Variants in ZNF722 observed in about 807,000 individuals in gnomAD.
ZNF722 encodes zinc finger protein 722.
the ZNF722 span, among the ~76,000 whole-genome samples, chr7:64,010,574 G>T: frequency 3.3e-5 from 5 of 152,160 alleles, no homozygotes; most frequent in African/African-American, 1.2e-4. Context: ...TCTTAATCCT[G>T]AGTTCTAATT....
chr7:64,009,251 G>A, the ZNF722 span, among the ~76,000 whole-genome samples: 1 of 152,104 alleles, frequency 6.6e-6, no homozygotes, highest in African/African-American at 2.4e-5. Flanking sequence ...TTTCTTGCCT[G>A]ATTGCCCTGG....
chr7:64,017,109 G>A, the ZNF722 span, among the ~76,000 whole-genome samples: 3 of 152,154 alleles, frequency 2.0e-5, no homozygotes, highest in Non-Finnish European at 2.9e-5. Context: ...TTATAGGTTG[G>A]GCGTGTTGGC....
the ZNF722 span, among the ~76,000 whole-genome samples, chr7:64,000,429 GCCCGGC>G: frequency 1.1e-5 from 1 of 94,918 alleles, no homozygotes; most frequent in Non-Finnish European, 2.0e-5. Flanking sequence ...GAGCCACCAT[GCCCGGC>G]CTTTTTTTTT....
the ZNF722 span, among the ~76,000 whole-genome samples, chr7:64,008,519 G>C: frequency 2.0e-5 from 3 of 152,144 alleles, no homozygotes; most frequent in African/African-American, 7.2e-5. Flanking sequence ...CCCATTTCTT[G>C]TTTTTGTCAG....
At chr7:64,018,018 TAATAA>T in the ZNF722 span, among the ~76,000 whole-genome samples, 3 of 152,236 alleles carry the variant, frequency 2.0e-5, no homozygotes, top group African/African-American at 7.2e-5. Flanking sequence ...TACCTTTATG[TAATAA>T]AATGCAATAA....
chr7:64,003,836 A>G, the ZNF722 span, among the ~76,000 whole-genome samples: 1 of 152,170 alleles, frequency 6.6e-6, no homozygotes, highest in African/African-American at 2.4e-5. Context: ...TCTATTGGGG[A>G]AACACAGTTG....
chr7:64,003,379 C>T, the ZNF722 span, among the ~76,000 whole-genome samples: 14 of 151,980 alleles, frequency 9.2e-5, no homozygotes, highest in South Asian at 4.2e-4. Flanking sequence ...GTGTGTGTGG[C>T]GGTAGCAGGT....
the ZNF722 span, among the ~76,000 whole-genome samples, chr7:64,000,000 G>A: frequency 6.6e-6 from 1 of 151,618 alleles, no homozygotes; most frequent in African/African-American, 2.4e-5. Context: ...CCAACCATAA[G>A]AGATACATTT....
chr7:64,016,030 TAATAGAA>T, the ZNF722 span: 9 of 759,456 alleles, frequency 1.2e-5, no homozygotes, highest in Non-Finnish European at 1.6e-5. Flanking sequence ...TTCCAAACCT[TAATAGAA>T]AATAAGAGAA....
the ZNF722 span, among the ~76,000 whole-genome samples, chr7:64,000,022 T>A: frequency 1.1e-4 from 17 of 152,210 alleles, 1 homozygote; most frequent in Admixed American, 3.3e-4. Context: ...AGTTAGATTT[T>A]TTTTTTAAGT....
At chr7:64,004,426 A>AAAAAAATATATATATATATG in the ZNF722 span, among the ~76,000 whole-genome samples, 1 of 47,662 alleles carries the variant, frequency 2.1e-5, no homozygotes, top group Admixed American at 2.6e-4. Context: ...AAAAAAAAAA[A>AAAAAAATATATATATATATG]TATATATATA....
chr7:64,005,882 T>A, the ZNF722 span: 12 of 809,710 alleles, frequency 1.5e-5, no homozygotes, highest in East Asian at 2.6e-4. Context: ...GTAGAACAGA[T>A]TCTTCACGAT....
At chr7:64,004,058 G>A in the ZNF722 span, among the ~76,000 whole-genome samples, 1 of 152,074 alleles carries the variant, frequency 6.6e-6, no homozygotes, top group Non-Finnish European at 1.5e-5. Context: ...TTACAGAACA[G>A]GGAAGTTATC....
At chr7:63,998,979 A>T in the ZNF722 span, 11 of 1,579,364 alleles carry the variant, frequency 7.0e-6, no homozygotes, top group African/African-American at 5.4e-5. Context: ...AAAGACCGGG[A>T]TCCCCTGGAA....
chr7:64,000,018 A>G, the ZNF722 span, among the ~76,000 whole-genome samples: 1 of 149,012 alleles, frequency 6.7e-6, no homozygotes, highest in Admixed American at 6.7e-5. Flanking sequence ...TTTGAGTTAG[A>G]TTTTTTTTTT....
the ZNF722 span, among the ~76,000 whole-genome samples, chr7:64,013,523 A>T: frequency 6.6e-6 from 1 of 152,094 alleles, no homozygotes; most frequent in Non-Finnish European, 1.5e-5. Context: ...ACTGGTAAAA[A>T]AAAAATGACT....
the ZNF722 span, chr7:64,015,758 C>T: frequency 6.2e-7 from 1 of 1,613,512 alleles, no homozygotes; most frequent in Non-Finnish European, 8.5e-7. Flanking sequence ...AAGAATGTGG[C>T]AGAGCCTTTA....
chr7:64,014,535 A>G, the ZNF722 span, among the ~76,000 whole-genome samples: 4 of 152,210 alleles, frequency 2.6e-5, no homozygotes, highest in African/African-American at 4.8e-5. Context: ...TCTTGCAAAC[A>G]TGTTCTCAGG....
At chr7:64,004,425 A>AAAAAAAAAAAAAAATATAT in the ZNF722 span, among the ~76,000 whole-genome samples, 1 of 61,112 alleles carries the variant, frequency 1.6e-5, no homozygotes, top group African/African-American at 8.0e-5. Flanking sequence ...AAAAAAAAAA[A>AAAAAAAAAAAAAAATATAT]ATATATATAT....
Sources: gnomAD v4.1 joint callset for allele counts (sites outside exome capture counted in the v4.1 genomes callset) on GRCh38, gnomAD v4.1.1 for gene constraint, MANE v1.5 for transcripts, NCBI Gene and HGNC (gene_info 2026-07-23, HGNC 2026-07-21) for gene names.